MORC3: variants seen among roughly 807,000 people sequenced by gnomAD.
MORC3 encodes the protein MORC family CW-type zinc finger 3.
In MORC3, 31 loss-of-function variants were observed where a neutral mutation model predicts 109.1. That is an observed-to-expected ratio of 0.28 (90% CI 0.21 to 0.38). MORC3 has a LOEUF of 0.38. Ranked by LOEUF, MORC3 falls within the 10% of genes least tolerant of loss-of-function variation. MORC3 has a pLI of 1.00. For missense variants in MORC3, 867 were observed against 1,135.8 expected, an observed-to-expected ratio of 0.76 and a Z score of 3.40; for synonymous variants, 395 against 380.7, an observed-to-expected ratio of 1.04 and a Z score of -0.44.
In MORC3 at chr21:36,349,206, A is replaced by T. The variant is rs138962919; in HGVS notation, c.1006-105A>T. On this transcript the variant is annotated intron_variant, in intron 8 of 16. Transcript: ENST00000400485. The stretch of plus-strand genomic sequence containing the variant: ...TAAAAATAAATGTGATGAGAATCAT[A>T]CAAGATAAAATATAGAAAAATATAC... The T allele has an allele frequency of 2.9e-3, 2,181 of 742,022 alleles. 40 individuals are homozygous for T. In the African/African-American group the frequency reaches 0.036, roughly 12 times the overall value. 46.0% of individuals were successfully genotyped at this position (742,022 alleles called of 1,614,324 possible).
intron 14 of MORC3, among the ~76,000 whole-genome samples, chr21:36,365,371 G>A (rs1009700365): frequency 2.6e-5 from 4 of 152,112 alleles, no homozygotes; most frequent in African/African-American, 7.2e-5. Flanking sequence ...ACAAACGAGT[G>A]GATCACACTG....
rs765250254 is a variant in MORC3, at chr21:36,320,215, C to T, written c.-50C>T. The T allele has an allele frequency of 3.8e-6, 6 of 1,561,662 alleles. No individual in the cohort carries two copies. The highest frequency in any genetic ancestry group is 2.7e-5 in the African/African-American group (2 of 73,486). On this transcript the variant is annotated 5_prime_UTR_variant, in exon 1 of 17. Transcript: ENST00000400485. ...GGGCTCCACAGTCGTTCCGCCACCTCCCAGTCGGGTTGCGGCGGAGGCCGT... is the reference window on the plus strand; with the variant it reads ...GGGCTCCACAGTCGTTCCGCCACCTTCCAGTCGGGTTGCGGCGGAGGCCGT...
At chr21:36,336,229 CTTTT>C (rs1383127195) in intron 2 of MORC3, among the ~76,000 whole-genome samples, 1 of 145,102 alleles carries the variant, frequency 6.9e-6, no homozygotes, top group Non-Finnish European at 1.5e-5. Flanking sequence ...CCATGGTCAG[CTTTT>C]TTGTTTTTGT....
intron 9 of MORC3, among the ~76,000 whole-genome samples, chr21:36,356,266 GTA>G (rs935775711): frequency 2.2e-4 from 34 of 152,094 alleles, no homozygotes; most frequent in African/African-American, 8.0e-4. Flanking sequence ...ATAGCTTTGT[GTA>G]TATTTTATGG....
intron 10 of MORC3, among the ~76,000 whole-genome samples, 192 bp downstream of exon 10, chr21:36,356,916 A>T (rs2085651853): frequency 6.6e-6 from 1 of 152,226 alleles, no homozygotes; most frequent in African/African-American, 2.4e-5. Context: ...AACATCCATA[A>T]AACAATGTTT....
At chr21:36,338,979 G>A in intron 5 of MORC3, 58 bp downstream of exon 5, 2 of 1,565,180 alleles carry the variant, frequency 1.3e-6, no homozygotes, top group Non-Finnish European at 1.8e-6. Flanking sequence ...GCAGGGTGGT[G>A]GTGTTATATT....
Position 36,336,921 on chromosome 21 carries a change from A to G in MORC3, c.160A>G (p.Lys54Glu), listed in dbSNP as rs989887666. ...DVNAKQIWID[K>E]TVINDHICLT... ...GAACGCTAAACAAATATGGATTGAC[A>G]AAACAGTGATAAATGACCATATATG... Residue 54 changes from lysine (K) to glutamate (E), a missense_variant, in exon 3 of 17, where the codon AAA becomes GAA. Physicochemically the swap from Lys to Glu is moderately conservative, Grantham distance 56 (BLOSUM62 1). Coordinates refer to ENST00000400485, the MANE Select transcript of MORC3 (RefSeq NM_015358.3). The G allele has an allele frequency of 1.2e-6, 2 of 1,613,374 alleles. No individual in the cohort carries two copies. Among genetic ancestry groups the G allele is most frequent in the African/African-American group, 1.3e-5 (1 of 74,924 alleles).
At chr21:36,365,413 C>T (rs2085769306) in intron 14 of MORC3, among the ~76,000 whole-genome samples, 1 of 152,176 alleles carries the variant, frequency 6.6e-6, no homozygotes, top group South Asian at 2.1e-4. Flanking sequence ...CGAAGAGGAA[C>T]ATTGAAACAA....
chr21:36,346,804 A>G (rs542226643), intron 8 of MORC3, among the ~76,000 whole-genome samples: 21 of 151,902 alleles, frequency 1.4e-4, no homozygotes, highest in African/African-American at 7.2e-5. Flanking sequence ...GTGAGGTCCT[A>G]TCTCAAACAA....
chr21:36,348,789 T>G (rs2085540746), intron 8 of MORC3, among the ~76,000 whole-genome samples: 1 of 152,230 alleles, frequency 6.6e-6, no homozygotes, highest in Non-Finnish European at 1.5e-5. Context: ...AAAGGGTTTT[T>G]GAGGAAGGCT....
intron 1 of MORC3, among the ~76,000 whole-genome samples, chr21:36,323,792 A>G (rs1359994658): frequency 6.6e-6 from 1 of 150,616 alleles, no homozygotes; most frequent in Non-Finnish European, 1.5e-5. Flanking sequence ...TCTTCGCACC[A>G]TTTTTCTCTT....
chr21:36,357,607 T>C (rs1189351639), intron 10 of MORC3, among the ~76,000 whole-genome samples: 1 of 152,050 alleles, frequency 6.6e-6, no homozygotes, highest in East Asian at 1.9e-4. Flanking sequence ...AGAAAATTTC[T>C]GCTAGTATTT....
intron 1 of MORC3, among the ~76,000 whole-genome samples, chr21:36,321,777 C>T (rs933451143): frequency 1.3e-5 from 2 of 152,126 alleles, no homozygotes; most frequent in Admixed American, 6.6e-5. Context: ...GGCCCAGAAA[C>T]CTGTAGTGGA....
intron 2 of MORC3, among the ~76,000 whole-genome samples, chr21:36,335,346 C>T (rs1040247687): frequency 2.2e-5 from 3 of 138,116 alleles, no homozygotes; most frequent in South Asian, 2.2e-4. Context: ...GGCAGAGTCT[C>T]GCTCTGTCAC....
intron 12 of MORC3, 49 bp downstream of exon 12, chr21:36,360,307 C>T: frequency 6.6e-7 from 1 of 1,518,788 alleles, no homozygotes; most frequent in Non-Finnish European, 9.1e-7. Context: ...AGATCATGAA[C>T]AGTGATGCCT....
chr21:36,360,409 C>T lies in MORC3; in HGVS notation c.1406+151C>T, dbSNP rs992257217. The T allele has an allele frequency of 4.1e-6, 3 of 734,152 alleles. No homozygotes were observed. The African/African-American group carries it at 5.4e-5, about 13-fold the overall frequency. The allele number at this position is 734,152 out of a possible 1,614,324, so 45.5% of individuals were successfully genotyped here. ...TGCGTAATATCAAGGGCTTTAAAAA[C>T]AAAAACTTATGCTGTGGATACCTGC... On this transcript the variant is annotated intron_variant, in intron 12 of 16. Coordinates refer to ENST00000400485, the MANE Select transcript of MORC3 (RefSeq NM_015358.3).
chr21:36,340,542 A>T lies in MORC3; in HGVS notation c.609-857A>T, dbSNP rs184160360. Among the ~76,000 whole-genome samples the T allele has an allele frequency of 5.3e-5, 8 of 151,438 alleles. No homozygotes were observed. In the East Asian group the frequency reaches 1.6e-3, roughly 29 times the overall value. On this transcript the variant is annotated intron_variant, in intron 5 of 16. Transcript: ENST00000400485. ...CTTTTGGATTTGACTTTTTTCACTT[A>T]GCATAACTCCTGGCGTTTTCCAGGT...
chr21:36,327,508 C>A (rs1451099930), intron 1 of MORC3, among the ~76,000 whole-genome samples: 4 of 151,112 alleles, frequency 2.6e-5, no homozygotes, highest in African/African-American at 7.4e-5. Flanking sequence ...AGTAAGTGTT[C>A]TAGTGAACTG....
intron 5 of MORC3, 191 bp downstream of exon 5, chr21:36,339,112 A>C (rs1253217146): frequency 1.6e-6 from 1 of 616,412 alleles, no homozygotes; most frequent in Non-Finnish European, 2.4e-6. Flanking sequence ...AGATATTTTC[A>C]TCTTGTTAAA....
Sources: gnomAD v4.1 joint callset for allele counts (sites outside exome capture counted in the v4.1 genomes callset) on GRCh38, gnomAD v4.1.1 for gene constraint, MANE v1.5 for transcripts, NCBI Gene and HGNC (gene_info 2026-07-23, HGNC 2026-07-21) for gene names.